The following TJP1 variants were observed in gnomAD, a reference collection of about 807,000 sequenced individuals.
The protein encoded by TJP1 is tight junction protein ZO-1.
Under a neutral mutation model 194.2 loss-of-function variants are expected in TJP1, and 43 were observed. The ratio of observed to expected loss-of-function variants is 0.22; its 90% confidence interval spans 0.17 to 0.29. TJP1 has a LOEUF of 0.29. Among genes scored for constraint, TJP1 ranks in the 10% least tolerant of loss-of-function variants. The pLI is 1.00. For synonymous variants in TJP1, 801 were observed against 779.0 expected (o/e 1.03, Z -0.47); for missense variants, 1,971 against 2,185.7 (o/e 0.90, Z 1.96).
intron 2 of TJP1, among the ~76,000 whole-genome samples, chr15:29,917,184 A>G (rs1041596821): frequency 3.3e-5 from 5 of 152,232 alleles, no homozygotes; most frequent in Admixed American, 1.3e-4. Flanking sequence ...CACTGGTTTT[A>G]GATGCCGACT....
Position 29,882,424 on chromosome 15 carries a change from A to G in TJP1, c.306+73808T>C, listed in dbSNP as rs145797020. 1.1e-3 allele frequency among the ~76,000 whole-genome samples: 168 copies of G among 152,304 alleles called. 2 individuals carry two copies. Among genetic ancestry groups the G allele is most frequent in the African/African-American group, 3.9e-3 (162 of 41,558 alleles). On this transcript the variant is annotated intron_variant, in intron 2 of 28. Coordinates refer to the TJP1 transcript ENST00000356107. ...GGCAACACTTGGAGATTTTAGAGAC[A>G]TCAGTAACCTTTCTAAAAATGATTT...
At position 29,822,174 on chromosome 15, in the gene TJP1, G is replaced by A. The variant is rs1222756003; in HGVS notation, c.-146C>T. On this transcript the variant is annotated 5_prime_UTR_variant, in exon 1 of 28. Coordinates refer to ENST00000614355, the MANE Select transcript of TJP1 (RefSeq NM_001330239.4). Reference sequence around the variant, plus strand: ...GGGGCGGCCGGAAGGGCCCGGCCCAGGGGGAGGGAATTCAACTCGGACAAA... The same window carrying A: ...GGGGCGGCCGGAAGGGCCCGGCCCAAGGGGAGGGAATTCAACTCGGACAAA... 41 of 1,180,528 alleles carry A rather than the reference G, an allele frequency of 3.5e-5. No individual in the cohort carries two copies. Among genetic ancestry groups the A allele is most frequent in the Admixed American group, 1.4e-4 (3 of 21,958 alleles). The allele number at this position is 1,180,528 out of a possible 1,614,324, so 73.1% of individuals were successfully genotyped here.
At chr15:29,779,125 T>G (rs1046438343) in intron 2 of TJP1, among the ~76,000 whole-genome samples, 8 of 152,170 alleles carry the variant, frequency 5.3e-5, no homozygotes, top group African/African-American at 7.2e-5. Flanking sequence ...AACGGTTGCT[T>G]AAAGTTATTT....
Position 29,700,362 on chromosome 15 carries a change from G to T in TJP1, c.*1233C>A. The T allele has an allele frequency of 2.5e-6, 1 of 398,884 alleles. No homozygotes were observed. 24.7% of individuals were successfully genotyped at this position (398,884 alleles called of 1,614,324 possible). A position where few individuals can be genotyped will look rare whatever the true frequency, so the allele number is the denominator to read the frequency against. The stretch of plus-strand genomic sequence containing the variant: ...TCACAAATTACAGTAGGGATACTTT[G>T]CAAGAATTTAATCAAACTAGAGAAT... On this transcript the variant is annotated 3_prime_UTR_variant, in exon 28 of 28. Transcript: ENST00000614355.
chr15:29,897,605 C>T (rs1340194185), intron 2 of TJP1, among the ~76,000 whole-genome samples: 1 of 152,274 alleles, frequency 6.6e-6, no homozygotes, highest in East Asian at 1.9e-4. Context: ...GGAAAAGCCG[C>T]AAACACCTGA....
At chr15:29,892,152 G>C (rs1027520327) in intron 2 of TJP1, among the ~76,000 whole-genome samples, 11 of 152,348 alleles carry the variant, frequency 7.2e-5, no homozygotes, top group Middle Eastern at 3.4e-3. Context: ...GAAAGTTTTA[G>C]TGGTCTGGAT....
intron 2 of TJP1, among the ~76,000 whole-genome samples, chr15:29,939,569 T>C (rs920790917): frequency 1.3e-5 from 2 of 152,170 alleles, no homozygotes; most frequent in African/African-American, 4.8e-5. Context: ...GCAATGCTGG[T>C]GAGTCATAAG....
At position 29,763,258 on chromosome 15, in the gene TJP1, G is replaced by A. The variant is rs1472162427; in HGVS notation, c.590-820C>T. Among the ~76,000 whole-genome samples, 4 of 152,166 alleles carry A rather than the reference G, an allele frequency of 2.6e-5. No individual in the cohort carries two copies. The East Asian group carries it at 7.7e-4, about 29-fold the overall frequency. ...AATTACTAGCAGAGTCCAGAGAACT[G>A]CCCAGGTTCCTGCAACAGCTGCAGA... is the stretch of plus-strand genomic sequence containing the variant. On this transcript the variant is annotated intron_variant, in intron 5 of 27. Coordinates refer to ENST00000614355, the MANE Select transcript of TJP1 (RefSeq NM_001330239.4).
rs143151227 is a variant in TJP1 at position 29,809,590 on chromosome 15, A to C, written c.28-8888T>G. Among the ~76,000 whole-genome samples, 919 of 152,320 alleles carry C rather than the reference A, an allele frequency of 6.0e-3. 8 individuals carry two copies. The highest frequency in any genetic ancestry group is 0.021 in the African/African-American group (870 of 41,566). ...GCTGGGCGCGGTGGCTCACACCTGT[A>C]ATCTCAGCACTTGGGAGGCCAACGG... On this transcript the variant is annotated intron_variant, in intron 1 of 27. Coordinates refer to ENST00000614355, the MANE Select transcript of TJP1 (RefSeq NM_001330239.4).
intron 1 of TJP1, among the ~76,000 whole-genome samples, chr15:29,956,729 G>A (rs772937180): frequency 5.9e-5 from 9 of 151,960 alleles, no homozygotes; most frequent in South Asian, 2.1e-4. Context: ...ATACACACAC[G>A]AATAAAAAAA....
intron 5 of TJP1, among the ~76,000 whole-genome samples, chr15:29,764,538 T>A (rs992380275): frequency 2.6e-5 from 4 of 152,110 alleles, no homozygotes; most frequent in Admixed American, 2.0e-4. Context: ...TGAGTCTATG[T>A]AAGAGATGAC....
rs1416908265 is a variant in TJP1, at chr15:29,710,993, G to A, written c.4210C>T (p.Pro1404Ser). The change falls in exon 24 of 28, where the codon CCT (proline) becomes TCT (serine). Residue 1404 changes from proline to serine, a missense_variant. Physicochemically the swap from Pro to Ser is moderately conservative, Grantham distance 74. This residue lies in a region of TJP1 where 1,108 missense variants were observed against 1,128.5 expected (regional missense o/e 0.98). Coordinates refer to ENST00000614355, the MANE Select transcript of TJP1 (RefSeq NM_001330239.4). ...NFSSYSSKGK[P>S]PEADGVDRSF... The stretch of plus-strand genomic sequence containing the variant: ...CTATCCACACCATCAGCTTCAGGAG[G>A]CTTTCCCCTGTTAACAAATGAAGAA... 1.3e-6 allele frequency: 2 copies of A among 1,589,516 alleles called. No homozygotes were observed. The highest frequency in any genetic ancestry group is 1.3e-5 in the African/African-American group (1 of 74,242).
chr15:29,878,412 T>G (rs2052792349), intron 2 of TJP1, among the ~76,000 whole-genome samples: 1 of 152,144 alleles, frequency 6.6e-6, no homozygotes, highest in African/African-American at 2.4e-5. Flanking sequence ...ACTGACTTGA[T>G]CTCCTTGAGT....
intron 2 of TJP1, among the ~76,000 whole-genome samples, chr15:29,776,702 A>G (rs2047035329): frequency 6.6e-6 from 1 of 152,156 alleles, no homozygotes; most frequent in South Asian, 2.1e-4. Flanking sequence ...TCCCTGAGTT[A>G]GGTAAATCTT....
At chr15:29,722,666 G>A (rs1205592512) in intron 18 of TJP1, among the ~76,000 whole-genome samples, 1 of 152,200 alleles carries the variant, frequency 6.6e-6, no homozygotes, top group Non-Finnish European at 1.5e-5. Context: ...GCTGTGAGAA[G>A]AGGCCCATTG....
rs148142910 is a variant in TJP1 at position 29,809,709 on chromosome 15, G to C, written c.28-9007C>G. ...AAAATACAAAAAATTAGCCAGGCAT[G>C]GTGGCAGATGCCTGCAATCCCAGCT... On this transcript the variant is annotated intron_variant, in intron 1 of 27. Coordinates refer to ENST00000614355, the MANE Select transcript of TJP1 (RefSeq NM_001330239.4). Among the ~76,000 whole-genome samples, 405 of 152,258 alleles carry C rather than the reference G, an allele frequency of 2.7e-3. 3 individuals carry two copies. The highest frequency in any genetic ancestry group is 9.5e-3 in the African/African-American group (393 of 41,560).
Position 29,700,690 on chromosome 15 carries a change from G to T in TJP1, c.*905C>A. 8.2e-5 allele frequency: 15 copies of T among 182,638 alleles called. No individual in the cohort carries two copies. Among genetic ancestry groups the T allele is most frequent in the Non-Finnish European group, 9.5e-5 (10 of 105,620 alleles). 11.3% of individuals were successfully genotyped at this position (182,638 alleles called of 1,614,324 possible). The stretch of plus-strand genomic sequence containing the variant: ...ATCAAAATTTTCAAATGCATAGCCA[G>T]AAAGAACAGAAAACCACCACTGCCC... On this transcript the variant is annotated 3_prime_UTR_variant, in exon 28 of 28. Transcript: ENST00000614355.
At chr15:29,821,900 C>G (rs1306838591) in intron 1 of TJP1, 102 bp downstream of exon 1, 1 of 1,075,158 alleles carries the variant, frequency 9.3e-7, no homozygotes, top group African/African-American at 1.7e-5. Flanking sequence ...CCCCGGGGCC[C>G]AGACAGCCGC....
At chr15:29,724,136 T>C (rs1389233626) in intron 18 of TJP1, among the ~76,000 whole-genome samples, 1 of 152,192 alleles carries the variant, frequency 6.6e-6, no homozygotes, top group East Asian at 1.9e-4. Flanking sequence ...TGAATGGAGC[T>C]TTCCACGCAG....
Sources: allele counts gnomAD v4.1 joint callset (sites outside exome capture counted in the v4.1 genomes callset), GRCh38; gene constraint gnomAD v4.1.1; regional missense constraint gnomAD v4.1.1; transcripts MANE v1.5; gene names NCBI Gene and HGNC (gene_info 2026-07-23, HGNC 2026-07-21).